EPC2: variants seen among roughly 807,000 people sequenced by gnomAD.
The protein encoded by EPC2 is enhancer of polycomb 2.
EPC2 carries 14 observed loss-of-function variants against 92.1 expected under a neutral mutation model. The observed-to-expected ratio is 0.15, with a 90% CI of 0.10 to 0.24. The LOEUF (loss-of-function observed/expected upper bound fraction) is 0.24, where lower values mean the gene tolerates loss of function less well. Among genes scored for constraint, EPC2 ranks in the 10% least tolerant of loss-of-function variants. The pLI is 1.00. For synonymous variants in EPC2, 340 were observed against 334.7 expected (o/e 1.02, Z -0.17); for missense variants, 755 against 971.5 (o/e 0.78, Z 2.96).
chr2:148,695,007 A>G (rs115823678), intron 2 of EPC2, among the ~76,000 whole-genome samples: 2,745 of 152,310 alleles, frequency 0.018, 74 homozygotes, highest in African/African-American at 0.062. Context: ...TCCTGGCCTC[A>G]TGATCCGTGA....
intron 3 of EPC2, among the ~76,000 whole-genome samples, chr2:148,744,347 C>G (rs1157981052): frequency 6.6e-6 from 1 of 151,810 alleles, no homozygotes; most frequent in Non-Finnish European, 1.5e-5. Context: ...TGGAATTGTT[C>G]ACAAGAAAAA....
intron 2 of EPC2, chr2:148,691,484 G>T: frequency 1.3e-6 from 2 of 1,543,180 alleles, no homozygotes; most frequent in South Asian, 2.4e-5. Flanking sequence ...CTTTAAGACT[G>T]ACTATAAGAT....
At chr2:148,692,135 T>C (rs1242800726) in intron 2 of EPC2, 1 of 228,032 alleles carries the variant, frequency 4.4e-6, no homozygotes, top group Non-Finnish European at 8.7e-6. Flanking sequence ...TCATTCACCT[T>C]CTTTCATATT....
Position 148,762,761 on chromosome 2 carries a change from C to T in EPC2, c.907C>T (p.His303Tyr). The change falls in exon 6 of 14, where the codon CAT (histidine) becomes TAT (tyrosine). Residue 303 changes from histidine to tyrosine, a missense_variant. Coordinates refer to ENST00000258484, the MANE Select transcript of EPC2 (RefSeq NM_015630.4). ...GTTATATGCCACTCCAGCAACTCTTCATAATGGAAATCATCACAAAGTTCA... is the reference window on the plus strand; with the variant it reads ...GTTATATGCCACTCCAGCAACTCTTTATAATGGAAATCATCACAAAGTTCA... ...KELYATPATL[H>Y]NGNHHKVQEC... 1 of 1,609,686 alleles carries T rather than the reference C, an allele frequency of 6.2e-7. No homozygotes were observed. The highest frequency in any genetic ancestry group is 8.5e-7 in the Non-Finnish European group (1 of 1,178,514).
intron 4 of EPC2, 132 bp downstream of exon 4, chr2:148,754,265 A>C (rs1296081268): frequency 1.3e-6 from 1 of 759,590 alleles, no homozygotes; most frequent in African/African-American, 1.8e-5. Flanking sequence ...AAGAAATCCT[A>C]CTTTTCGTCT....
chr2:148,648,830 T>G (rs550288758), intron 1 of EPC2, among the ~76,000 whole-genome samples: 1 of 152,374 alleles, frequency 6.6e-6, no homozygotes, highest in South Asian at 2.1e-4. Flanking sequence ...ATTGTATCAT[T>G]GATAATCATG....
chr2:148,728,530 A>G (rs1005863950), intron 2 of EPC2, among the ~76,000 whole-genome samples: 1 of 152,036 alleles, frequency 6.6e-6, no homozygotes, highest in Non-Finnish European at 1.5e-5. Flanking sequence ...CCAGAAGTTC[A>G]AGACCAGACT....
intron 6 of EPC2, among the ~76,000 whole-genome samples, chr2:148,763,431 A>C (rs1683341256): frequency 1.3e-5 from 2 of 152,186 alleles, no homozygotes; most frequent in African/African-American, 4.8e-5. Context: ...GAAATATGAA[A>C]ACTAATAAAG....
intron 1 of EPC2, among the ~76,000 whole-genome samples, chr2:148,685,020 T>C (rs1027043536): frequency 4.6e-5 from 7 of 152,210 alleles, no homozygotes; most frequent in African/African-American, 1.7e-4. Flanking sequence ...TTGTTAGCCT[T>C]TTGGGTTTTC....
chr2:148,721,212 A>G (rs1057113937), intron 2 of EPC2, among the ~76,000 whole-genome samples: 1 of 152,154 alleles, frequency 6.6e-6, no homozygotes, highest in African/African-American at 2.4e-5. Flanking sequence ...CTTATAAGGC[A>G]GGTCTACTGG....
intron 10 of EPC2, among the ~76,000 whole-genome samples, chr2:148,773,377 A>T (rs1350884306): frequency 6.6e-6 from 1 of 152,124 alleles, no homozygotes; most frequent in African/African-American, 2.4e-5. Flanking sequence ...ATTAGAAAAA[A>T]ATAATCTTTT....
chr2:148,676,085 C>G (rs1681255970), intron 1 of EPC2, among the ~76,000 whole-genome samples: 1 of 151,498 alleles, frequency 6.6e-6, no homozygotes, highest in Admixed American at 6.6e-5. Context: ...TTCTCTGCAT[C>G]TTGGTACTCA....
chr2:148,668,061 G>C (rs1319572124), intron 1 of EPC2, among the ~76,000 whole-genome samples: 1 of 152,084 alleles, frequency 6.6e-6, no homozygotes, highest in Admixed American at 6.6e-5. Flanking sequence ...ACCATGCCTA[G>C]CTAATTTTTG....
intron 10 of EPC2, among the ~76,000 whole-genome samples, chr2:148,776,754 ACC>A (rs1683651854): frequency 1.3e-5 from 2 of 151,744 alleles, no homozygotes; most frequent in Non-Finnish European, 2.9e-5. Context: ...ATAGTGACTC[ACC>A]TCTGTAATCT....
At chr2:148,648,515 G>A (rs572537903) in intron 1 of EPC2, among the ~76,000 whole-genome samples, 1 of 151,972 alleles carries the variant, frequency 6.6e-6, no homozygotes, top group Non-Finnish European at 1.5e-5. Flanking sequence ...AAATCAGTAG[G>A]CTTGTAACAA....
Position 148,776,856 on chromosome 2 carries a change from C to CTTTTTTTTTTTTTTT in EPC2, c.1721-4780_1721-4766dup, listed in dbSNP as rs56073706. Among the ~76,000 whole-genome samples the CTTTTTTTTTTTTTTT allele has an allele frequency of 1.7e-4, 17 of 101,024 alleles. 2 individuals carry two copies. Among genetic ancestry groups the CTTTTTTTTTTTTTTT allele is most frequent in the African/African-American group, 4.8e-4 (13 of 27,124 alleles). The allele number at this position is 101,024 out of a possible 152,430, so 66.3% of individuals were successfully genotyped here. A position where few individuals can be genotyped will look rare whatever the true frequency, so the allele number is the denominator to read the frequency against. ...ACATAGCAAGACCCTGTCTCTCTCT[C>CTTTTTTTTTTTTTTT]TTTTTTTTTTTTTTTTTTTTTTGAG... On this transcript the variant is annotated intron_variant, in intron 10 of 13. Transcript: ENST00000258484.
At chr2:148,782,428 T>C (rs1683770902) in intron 11 of EPC2, among the ~76,000 whole-genome samples, 1 of 152,046 alleles carries the variant, frequency 6.6e-6, no homozygotes, top group Admixed American at 6.6e-5. Context: ...GCCCAGCTAC[T>C]TGGGAGGCTG....
chr2:148,683,091 T>A (rs1014735647), intron 1 of EPC2, among the ~76,000 whole-genome samples: 164 of 152,140 alleles, frequency 1.1e-3, no homozygotes, highest in African/African-American at 3.7e-3. Flanking sequence ...TTTTTTTTTT[T>A]AATTTCAATA....
chr2:148,704,066 A>G (rs1681944005), intron 2 of EPC2, among the ~76,000 whole-genome samples: 1 of 152,206 alleles, frequency 6.6e-6, no homozygotes. Context: ...TACTCAGACA[A>G]ATGAAGGTCT....
Sources: allele counts gnomAD v4.1 joint callset (sites outside exome capture counted in the v4.1 genomes callset), GRCh38; gene constraint gnomAD v4.1.1; transcripts MANE v1.5; gene names NCBI Gene and HGNC (gene_info 2026-07-23, HGNC 2026-07-21).